The following CPA6 variants were observed in gnomAD, a reference collection of about 807,000 sequenced individuals.
CPA6 encodes carboxypeptidase A6, also known as carboxypeptidase B.
Under a neutral mutation model 63.3 loss-of-function variants are expected in CPA6, and 58 were observed. That is an observed-to-expected ratio of 0.92 (90% CI 0.74 to 1.14). The LOEUF (loss-of-function observed/expected upper bound fraction) is 1.14. CPA6 is among the 50% of genes most tolerant of loss of function. The probability of loss-of-function intolerance (pLI) is 0.00; values close to 1 mark genes in which losing one functional copy is unlikely to be tolerated. For missense variants in CPA6, 565 were observed against 526.6 expected, an observed-to-expected ratio of 1.07 and a Z score of -0.71; for synonymous variants, 185 against 179.0, an observed-to-expected ratio of 1.03 and a Z score of -0.27.
At chr8:67,466,141 G>A (rs148055864) in intron 8 of CPA6, among the ~76,000 whole-genome samples, 2,336 of 139,186 alleles carry the variant, frequency 0.017, 55 homozygotes, top group South Asian at 0.06. Flanking sequence ...TTGGAATTCC[G>A]TATTGGTCTG....
intron 8 of CPA6, among the ~76,000 whole-genome samples, chr8:67,442,684 G>T (rs1361390780): frequency 6.6e-6 from 1 of 152,150 alleles, no homozygotes; most frequent in Non-Finnish European, 1.5e-5. Flanking sequence ...AAAGGAGCTT[G>T]TAGTGTTCTC....
rs1459788413 is a variant in CPA6, at chr8:67,518,057, A to G, written c.193-10T>C. On this transcript the variant is annotated splice_polypyrimidine_tract_variant and intron_variant, in intron 2 of 10. Transcript: ENST00000297770. ...GCTGCCACAGGTCCACCTGTAGTGCAGGAACCAACCTATAATTCATATCCA... is the reference window on the plus strand; with the variant it reads ...GCTGCCACAGGTCCACCTGTAGTGCGGGAACCAACCTATAATTCATATCCA... The G allele has an allele frequency of 6.3e-7, 1 of 1,575,382 alleles. No individual in the cohort carries two copies. Among genetic ancestry groups the G allele is most frequent in the African/African-American group, 1.4e-5 (1 of 73,410 alleles).
At chr8:67,443,981 G>C (rs1810354363) in intron 8 of CPA6, among the ~76,000 whole-genome samples, 1 of 150,460 alleles carries the variant, frequency 6.6e-6, no homozygotes, top group African/African-American at 2.5e-5. Flanking sequence ...GGCCAACTTA[G>C]ACATCCGTAG....
chr8:67,573,970 G>C (rs1813557476), intron 2 of CPA6, among the ~76,000 whole-genome samples: 1 of 150,466 alleles, frequency 6.6e-6, no homozygotes, highest in Non-Finnish European at 1.5e-5. Flanking sequence ...CATATTCTGT[G>C]TGTTCATGTT....
chr8:67,610,969 A>G (rs1814790553), intron 2 of CPA6, among the ~76,000 whole-genome samples: 1 of 152,176 alleles, frequency 6.6e-6, no homozygotes, highest in African/African-American at 2.4e-5. Flanking sequence ...CATTTAGCAG[A>G]GTATTTAGCA....
chr8:67,741,433 G>A (rs1248344278), intron 1 of CPA6, among the ~76,000 whole-genome samples: 1 of 152,116 alleles, frequency 6.6e-6, no homozygotes. Context: ...ACACAGCAGG[G>A]GTCCCAAAAC....
chr8:67,468,226 A>G (rs897385190), intron 8 of CPA6, among the ~76,000 whole-genome samples: 2 of 152,146 alleles, frequency 1.3e-5, no homozygotes, highest in Non-Finnish European at 2.9e-5. Flanking sequence ...CATGAACTCT[A>G]AGGTTTATTT....
At chr8:67,588,737 C>G (rs1814017093) in intron 2 of CPA6, among the ~76,000 whole-genome samples, 1 of 152,154 alleles carries the variant, frequency 6.6e-6, no homozygotes, top group African/African-American at 2.4e-5. Context: ...TTTGCTGAGT[C>G]AGAATGTGGT....
intron 2 of CPA6, among the ~76,000 whole-genome samples, chr8:67,574,162 G>C (rs1346002245): frequency 6.6e-6 from 1 of 151,898 alleles, no homozygotes; most frequent in Admixed American, 6.6e-5. Flanking sequence ...CAGATCACTT[G>C]ATGTCAGGAG....
Position 67,590,381 on chromosome 8 carries a change from T to A in CPA6, c.192+33795A>T, listed in dbSNP as rs1814084485. 4.6e-5 allele frequency among the ~76,000 whole-genome samples: 7 copies of A among 151,614 alleles called. 1 individual carries two copies. In the South Asian group the frequency reaches 1.5e-3, roughly 32 times the overall value. On this transcript the variant is annotated intron_variant, in intron 2 of 10. Transcript: ENST00000297770. ...GCATGTGTCTTTATAGCAGCATGATTTATAGTCCTTTGGGTATATACCCAG... is the reference window on the plus strand; with the variant it reads ...GCATGTGTCTTTATAGCAGCATGATATATAGTCCTTTGGGTATATACCCAG...
intron 1 of CPA6, among the ~76,000 whole-genome samples, chr8:67,664,892 T>TA (rs1175998747): frequency 6.6e-6 from 1 of 152,138 alleles, no homozygotes; most frequent in African/African-American, 2.4e-5. Context: ...TTTAATGTAT[T>TA]AAGCAATAGA....
intron 1 of CPA6, among the ~76,000 whole-genome samples, chr8:67,654,552 T>C (rs1473126070): frequency 6.6e-6 from 1 of 152,228 alleles, no homozygotes; most frequent in Non-Finnish European, 1.5e-5. Flanking sequence ...TAGTATTCTC[T>C]GATGGTAGTT....
At chr8:67,708,463 C>A (rs936169756) in intron 1 of CPA6, among the ~76,000 whole-genome samples, 1 of 152,168 alleles carries the variant, frequency 6.6e-6, no homozygotes, top group Non-Finnish European at 1.5e-5. Context: ...TTCCTTTGAA[C>A]TAACTAGTGA....
chr8:67,733,209 A>AT (rs1817744568), intron 1 of CPA6, among the ~76,000 whole-genome samples: 1 of 128,950 alleles, frequency 7.8e-6, no homozygotes, highest in Admixed American at 7.8e-5. Context: ...AAAAAAAAAA[A>AT]AAAAAAAAAA....
intron 1 of CPA6, among the ~76,000 whole-genome samples, chr8:67,740,859 C>G (rs549469825): frequency 6.6e-6 from 1 of 152,242 alleles, no homozygotes; most frequent in African/African-American, 2.4e-5. Flanking sequence ...CGTGAGCCAC[C>G]GTGCCTGGCC....
At chr8:67,597,431 T>A (rs905315046) in intron 2 of CPA6, among the ~76,000 whole-genome samples, 2 of 152,152 alleles carry the variant, frequency 1.3e-5, no homozygotes, top group Non-Finnish European at 2.9e-5. Flanking sequence ...CTTGACCTCA[T>A]GATCTGCCTG....
intron 1 of CPA6, among the ~76,000 whole-genome samples, chr8:67,665,043 C>T (rs1005906305): frequency 6.6e-6 from 1 of 152,090 alleles, no homozygotes; most frequent in African/African-American, 2.4e-5. Context: ...TTTCTTCTTA[C>T]TTCTGAAGTT....
At chr8:67,589,242 T>A (rs539389596) in intron 2 of CPA6, among the ~76,000 whole-genome samples, 1 of 152,338 alleles carries the variant, frequency 6.6e-6, no homozygotes, top group South Asian at 2.1e-4. Context: ...GTAAATCAAT[T>A]TATTTCTTAA....
At chr8:67,592,388 G>A (rs921435099) in intron 2 of CPA6, among the ~76,000 whole-genome samples, 4 of 152,148 alleles carry the variant, frequency 2.6e-5, no homozygotes, top group Non-Finnish European at 5.9e-5. Context: ...GTATCAGGAT[G>A]ATGCTGGCCT....
Sources: allele counts gnomAD v4.1 joint callset (sites outside exome capture counted in the v4.1 genomes callset), GRCh38; gene constraint gnomAD v4.1.1; transcripts MANE v1.5; gene names NCBI Gene and HGNC (gene_info 2026-07-23, HGNC 2026-07-21).